The following PCCA variants were observed in gnomAD, a reference collection of about 807,000 sequenced individuals.
PCCA encodes the protein propionyl-CoA carboxylase alpha chain, mitochondrial.
Under a neutral mutation model 101.3 loss-of-function variants are expected in PCCA, and 74 were observed. The observed-to-expected ratio is 0.73, with a 90% CI of 0.61 to 0.89. PCCA has a LOEUF of 0.89. Ranked by LOEUF, PCCA falls within the 40% of genes least tolerant of loss-of-function variation. PCCA has a pLI of 0.00. For synonymous variants in PCCA, 294 were observed against 313.6 expected (o/e 0.94, Z 0.66); for missense variants, 891 against 907.0 (o/e 0.98, Z 0.23).
rs185681502 is a variant in PCCA, at chr13:100,113,779, A to G, written c.300+1718A>G. Among the ~76,000 whole-genome samples the G allele has an allele frequency of 2.9e-3, 448 of 152,132 alleles. 5 individuals carry two copies. The highest frequency in any genetic ancestry group is 2.9e-3 in the Non-Finnish European group (194 of 67,984). On this transcript the variant is annotated intron_variant, in intron 4 of 23. Coordinates refer to ENST00000376285, the MANE Select transcript of PCCA (RefSeq NM_000282.4). ...TTTTTAGTAGAGACGGGGTTTCACC[A>G]TGTTGGCCAGGCTGGTCTTGAACTC... is the stretch of plus-strand genomic sequence containing the variant.
chr13:100,223,489 G>T (rs1329336160), intron 7 of PCCA, among the ~76,000 whole-genome samples: 1 of 152,058 alleles, frequency 6.6e-6, no homozygotes, highest in Non-Finnish European at 1.5e-5. Context: ...TTGTGGTCTC[G>T]CTGGCTTCAG....
chr13:100,117,394 G>A (rs1428679377), intron 4 of PCCA, among the ~76,000 whole-genome samples: 2 of 149,652 alleles, frequency 1.3e-5, no homozygotes, highest in East Asian at 3.9e-4. Context: ...TGGCTTGTTT[G>A]CTTTATATTT....
At chr13:100,260,367 C>G (rs1204765424) in intron 9 of PCCA, among the ~76,000 whole-genome samples, 1 of 146,254 alleles carries the variant, frequency 6.8e-6, no homozygotes, top group African/African-American at 2.5e-5. Context: ...TGTACAAAAA[C>G]AAGCAAATTA....
At chr13:100,413,272 G>A (rs2078163915) in intron 19 of PCCA, among the ~76,000 whole-genome samples, 1 of 152,146 alleles carries the variant, frequency 6.6e-6, no homozygotes. Context: ...TGGGAATTAG[G>A]CAAAGGAAAT....
chr13:100,202,441 CTGA>C (rs2152466733), intron 6 of PCCA, among the ~76,000 whole-genome samples: 1 of 149,094 alleles, frequency 6.7e-6, no homozygotes, highest in African/African-American at 2.4e-5. Flanking sequence ...CTGTCAAAGT[CTGA>C]TGATTATTTA....
chr13:100,116,824 C>T (rs1202266909), intron 4 of PCCA, among the ~76,000 whole-genome samples: 1 of 150,124 alleles, frequency 6.7e-6, no homozygotes, highest in Admixed American at 6.7e-5. Context: ...TTTGCAGGCC[C>T]CTGTGGTCGC....
chr13:100,107,526 GAAA>G (rs933278021), intron 2 of PCCA, among the ~76,000 whole-genome samples: 1 of 147,734 alleles, frequency 6.8e-6, no homozygotes, highest in African/African-American at 2.5e-5. Context: ...CGTCTCTTAA[GAAA>G]AAAAAAAGTG....
rs144754073 is a variant in PCCA, at chr13:100,110,135, AAAAC to A, written c.184-1689_184-1686del. The stretch of plus-strand genomic sequence containing the variant: ...GCGACAGAGTGAGACTCCATCTCAA[AAAAC>A]AAACAAACAAACAAACTGCTCTAGG... On this transcript the variant is annotated intron_variant, in intron 2 of 23. Coordinates refer to ENST00000376285, the MANE Select transcript of PCCA (RefSeq NM_000282.4). Among the ~76,000 whole-genome samples the A allele has an allele frequency of 8.4e-3, 1,277 of 152,230 alleles. 15 individuals are homozygous for A. The highest frequency in any genetic ancestry group is 0.029 in the African/African-American group (1,208 of 41,496).
At chr13:100,219,418 A>G (rs1346743231) in intron 7 of PCCA, among the ~76,000 whole-genome samples, 1 of 152,126 alleles carries the variant, frequency 6.6e-6, no homozygotes, top group African/African-American at 2.4e-5. Flanking sequence ...AGAGTGTTTG[A>G]TCTGGAAATT....
At chr13:100,468,015 G>A (rs888430762) in intron 21 of PCCA, among the ~76,000 whole-genome samples, 2 of 152,156 alleles carry the variant, frequency 1.3e-5, no homozygotes, top group African/African-American at 2.4e-5. Flanking sequence ...CATGGGCTGC[G>A]GAATGGATGT....
intron 14 of PCCA, among the ~76,000 whole-genome samples, chr13:100,306,519 A>T (rs1482859719): frequency 6.6e-6 from 1 of 152,232 alleles, no homozygotes; most frequent in Non-Finnish European, 1.5e-5. Context: ...AACAAGAATC[A>T]GTGATGTACT....
In PCCA at chr13:100,247,128, G is replaced by A. The variant is rs536523300; in HGVS notation, c.638-10467G>A. On this transcript the variant is annotated intron_variant, in intron 8 of 23. Transcript: ENST00000376285. ...TCACCATGTTGGCCAGGCTGGTCTCGAACTCCTGACCTCGGGTCATCCGCC... is the reference window on the plus strand; with the variant it reads ...TCACCATGTTGGCCAGGCTGGTCTCAAACTCCTGACCTCGGGTCATCCGCC... 1.5e-3 allele frequency among the ~76,000 whole-genome samples: 220 copies of A among 151,200 alleles called. 3 individuals carry two copies. Among genetic ancestry groups the A allele is most frequent in the East Asian group, 5.1e-3 (26 of 5,104 alleles).
At chr13:100,506,282 C>T (rs936119245) in intron 21 of PCCA, among the ~76,000 whole-genome samples, 4 of 151,086 alleles carry the variant, frequency 2.6e-5, no homozygotes, top group Admixed American at 6.6e-5. Context: ...CTTGGCTCAG[C>T]GTCTAGGATG....
At chr13:100,492,218 T>C (rs771994613) in intron 21 of PCCA, among the ~76,000 whole-genome samples, 1 of 151,992 alleles carries the variant, frequency 6.6e-6, no homozygotes, top group African/African-American at 2.4e-5. Context: ...CACTGCAAGC[T>C]CCACCTCCCA....
At chr13:100,303,403 T>C (rs1399464735) in intron 14 of PCCA, among the ~76,000 whole-genome samples, 1 of 151,828 alleles carries the variant, frequency 6.6e-6, no homozygotes, top group Non-Finnish European at 1.5e-5. Context: ...TAATTGAAAT[T>C]TAAGGAGATT....
At chr13:100,389,136 G>A (rs916406793) in intron 19 of PCCA, among the ~76,000 whole-genome samples, 2 of 152,132 alleles carry the variant, frequency 1.3e-5, no homozygotes, top group Non-Finnish European at 2.9e-5. Context: ...GTGGTAACAG[G>A]GAGGGCAGGT....
intron 18 of PCCA, among the ~76,000 whole-genome samples, 200 bp downstream of exon 18, chr13:100,340,459 G>A (rs2071130015): frequency 6.6e-6 from 1 of 152,100 alleles, no homozygotes; most frequent in South Asian, 2.1e-4. Context: ...AGTTCAGAAA[G>A]GATAAAAGGA....
intron 6 of PCCA, among the ~76,000 whole-genome samples, chr13:100,160,189 C>T (rs1440335019): frequency 6.6e-6 from 1 of 151,872 alleles, no homozygotes; most frequent in Non-Finnish European, 1.5e-5. Context: ...TTATACAGTC[C>T]CTGCTGTCCA....
intron 11 of PCCA, 53 bp from the exon 12 acceptor site, chr13:100,273,143 A>G: frequency 7.1e-7 from 1 of 1,413,702 alleles, no homozygotes; most frequent in Non-Finnish European, 1.0e-6. Context: ...TGCACACAAA[A>G]GATAACTTGA....
Sources: allele counts gnomAD v4.1 joint callset (sites outside exome capture counted in the v4.1 genomes callset), GRCh38; gene constraint gnomAD v4.1.1; transcripts MANE v1.5; gene names NCBI Gene and HGNC (gene_info 2026-07-23, HGNC 2026-07-21).